Variants in ST3GAL3 observed in about 807,000 individuals in gnomAD.
ST3GAL3 encodes the protein ST3 beta-galactoside alpha-2,3-sialyltransferase 3, also known as CMP-N-acetylneuraminate-beta-1,4-galactoside alpha-2,3-sialyltransferase.
ST3GAL3 carries 21 observed loss-of-function variants against 50.1 expected under a neutral mutation model. The ratio of observed to expected loss-of-function variants is 0.42; its 90% CI spans 0.30 to 0.60. The LOEUF is 0.60. ST3GAL3 is among the 20% of genes least tolerant of loss of function. ST3GAL3 has a pLI of 0.19. For missense variants in ST3GAL3, 353 were observed against 489.4 expected (o/e 0.72, Z 2.63); for synonymous variants, 183 against 190.0 (o/e 0.96, Z 0.30).
chr1:43,893,710 TG>T (rs2076967808), intron 5 of ST3GAL3, among the ~76,000 whole-genome samples: 1 of 152,198 alleles, frequency 6.6e-6, no homozygotes, highest in African/African-American at 2.4e-5. Flanking sequence ...CCTGAAGCTC[TG>T]GGTCCCTCCT....
chr1:43,804,328 T>C (rs1037233590), intron 3 of ST3GAL3, among the ~76,000 whole-genome samples: 2 of 152,226 alleles, frequency 1.3e-5, no homozygotes, highest in Non-Finnish European at 2.9e-5. Context: ...ATAATGCCTA[T>C]GCCTTCCTGA....
At chr1:43,785,041 T>G (rs2057119106) in intron 2 of ST3GAL3, among the ~76,000 whole-genome samples, 1 of 152,168 alleles carries the variant, frequency 6.6e-6, no homozygotes, top group African/African-American at 2.4e-5. Context: ...TCTCTGTTTG[T>G]CCGCAGGAAT....
intron 5 of ST3GAL3, among the ~76,000 whole-genome samples, chr1:43,890,573 C>T (rs754768021): frequency 1.3e-5 from 2 of 152,078 alleles, no homozygotes; most frequent in Non-Finnish European, 2.9e-5. Context: ...AAGAGAGAGA[C>T]GAAGTGGAAA....
chr1:43,770,801 G>A (rs1694860687), intron 2 of ST3GAL3, among the ~76,000 whole-genome samples: 1 of 152,188 alleles, frequency 6.6e-6, no homozygotes, highest in Non-Finnish European at 1.5e-5. Flanking sequence ...AAACATTTCT[G>A]AATTCCTGCT....
chr1:43,923,368 G>A (rs2083387406), intron 11 of ST3GAL3, among the ~76,000 whole-genome samples: 1 of 151,994 alleles, frequency 6.6e-6, no homozygotes, highest in Admixed American at 6.6e-5. Flanking sequence ...CATGACTTCA[G>A]GTACCACCTA....
intron 1 of ST3GAL3, among the ~76,000 whole-genome samples, chr1:43,718,676 CATCT>C (rs1475852955): frequency 8.2e-6 from 1 of 121,996 alleles, no homozygotes; most frequent in Non-Finnish European, 1.7e-5. Context: ...CCTTCTGCTA[CATCT>C]TTTTTTTTTT....
At chr1:43,909,747 A>G (rs1044948386) in intron 9 of ST3GAL3, among the ~76,000 whole-genome samples, 1 of 152,246 alleles carries the variant, frequency 6.6e-6, no homozygotes, top group Non-Finnish European at 1.5e-5. Flanking sequence ...CTTGAAAAAC[A>G]TATTTAGAAC....
At chr1:43,784,274 C>T (rs958275430) in intron 2 of ST3GAL3, among the ~76,000 whole-genome samples, 3 of 151,928 alleles carry the variant, frequency 2.0e-5, no homozygotes, top group Admixed American at 1.3e-4. Flanking sequence ...TTTGGGAGGC[C>T]GAGGTGGGTG....
chr1:43,728,545 T>G (rs10890275), intron 1 of ST3GAL3, among the ~76,000 whole-genome samples: 103,588 of 151,848 alleles, frequency 0.68, 35,692 homozygotes, highest in East Asian at 0.72. Context: ...AGGAGTTTGA[T>G]ACCAACCTGG....
intron 5 of ST3GAL3, among the ~76,000 whole-genome samples, chr1:43,871,188 G>A (rs2154246585): frequency 6.6e-6 from 1 of 152,284 alleles, no homozygotes; most frequent in Middle Eastern, 3.4e-3. Flanking sequence ...CCTACATGTG[G>A]GACAACAGCA....
At chr1:43,852,103 G>T (rs2067441908) in intron 5 of ST3GAL3, among the ~76,000 whole-genome samples, 4 of 152,180 alleles carry the variant, frequency 2.6e-5, no homozygotes, top group Admixed American at 2.6e-4. Context: ...AAAGGAAGGG[G>T]TGCTGATGTG....
At chr1:43,843,741 C>T (rs559011629) in intron 5 of ST3GAL3, among the ~76,000 whole-genome samples, 8 of 152,292 alleles carry the variant, frequency 5.3e-5, no homozygotes, top group Middle Eastern at 3.4e-3. Context: ...TATTCTCATG[C>T]GCCACTGAAC....
chr1:43,764,717 A>G (rs1234445852), intron 2 of ST3GAL3, among the ~76,000 whole-genome samples: 4 of 152,236 alleles, frequency 2.6e-5, no homozygotes, highest in Admixed American at 2.0e-4. Context: ...GTGCCTTTAC[A>G]GCTCCTCCTG....
At chr1:43,874,884 G>T (rs1349534431) in intron 5 of ST3GAL3, among the ~76,000 whole-genome samples, 1 of 152,174 alleles carries the variant, frequency 6.6e-6, no homozygotes, top group Non-Finnish European at 1.5e-5. Context: ...TCATCCAGGA[G>T]AATGGAAGAA....
chr1:43,721,295 C>A (rs1670312588), intron 1 of ST3GAL3, among the ~76,000 whole-genome samples: 1 of 99,844 alleles, frequency 1.0e-5, no homozygotes, highest in Non-Finnish European at 2.0e-5. Flanking sequence ...ATAATTAAAC[C>A]TTTTTTTTTT....
chr1:43,744,184 A>G (rs985660244), intron 2 of ST3GAL3, among the ~76,000 whole-genome samples: 3 of 152,206 alleles, frequency 2.0e-5, no homozygotes, highest in Non-Finnish European at 4.4e-5. Flanking sequence ...TGTTTCATAT[A>G]GAGAAGTCTG....
At chr1:43,862,573 G>A (rs568911544) in intron 5 of ST3GAL3, among the ~76,000 whole-genome samples, 1 of 151,968 alleles carries the variant, frequency 6.6e-6, no homozygotes, top group African/African-American at 2.4e-5. Context: ...GCTGGGCCCA[G>A]CACTCTGGGC....
intron 3 of ST3GAL3, among the ~76,000 whole-genome samples, chr1:43,806,209 T>C (rs1035847476): frequency 2.6e-5 from 4 of 152,146 alleles, no homozygotes; most frequent in Admixed American, 6.5e-5. Flanking sequence ...AATGTAAAAT[T>C]CCTTGTTGTA....
chr1:43,719,788 C>G (rs1281716023), intron 1 of ST3GAL3, among the ~76,000 whole-genome samples: 2 of 150,596 alleles, frequency 1.3e-5, no homozygotes, highest in Non-Finnish European at 3.0e-5. Context: ...CAAAAATTAG[C>G]CGGGTATGGT....
Sources: gnomAD v4.1 joint callset for allele counts (sites outside exome capture counted in the v4.1 genomes callset) on GRCh38, gnomAD v4.1.1 for gene constraint, MANE v1.5 for transcripts, NCBI Gene and HGNC (gene_info 2026-07-23, HGNC 2026-07-21) for gene names.